Variants in CPT1B observed in about 807,000 individuals in gnomAD.
CPT1B encodes carnitine palmitoyltransferase 1B.
A neutral mutation model predicts 92.7 loss-of-function variants in CPT1B; 57 were observed. The observed-to-expected ratio is 0.62, with a 90% CI of 0.50 to 0.77. The LOEUF (loss-of-function observed/expected upper bound fraction) is 0.77. Among genes scored for constraint, CPT1B ranks in the 30% least tolerant of loss-of-function variants. The pLI, the probability that CPT1B is intolerant of heterozygous loss-of-function variation, is 0.00. For missense variants in CPT1B, 983 were observed against 1,017.4 expected, an observed-to-expected ratio of 0.97 and a Z score of 0.46; for synonymous variants, 398 against 383.5, an observed-to-expected ratio of 1.04 and a Z score of -0.44.
At chr22:50,574,647 C>A in intron 7 of CPT1B, 47 bp from the exon 8 acceptor site, 1 of 1,515,646 alleles carries the variant, frequency 6.6e-7, no homozygotes, top group South Asian at 1.1e-5. Flanking sequence ...GTCTGGGTGT[C>A]ACCTGAGTCT....
rs746417069 is a variant in CPT1B at position 50,573,677 on chromosome 22, C to T, written c.1009G>A (p.Val337Ile). The stretch of plus-strand genomic sequence containing the variant: ...TTGAAGAAGCGTCCCTTGTGGTAGA[C>T]AGCCACGTGCCGGCTGTCTGAGAGG... ...QHLSDSRHVAVYHKGRFFKLW... is the reference protein window; with the variant it reads ...QHLSDSRHVAIYHKGRFFKLW... The change falls in exon 10 of 20, where the codon GTC (valine) becomes ATC (isoleucine). Residue 337 changes from valine to isoleucine, a missense_variant. Coordinates refer to ENST00000312108, the MANE Select transcript of CPT1B (RefSeq NM_152246.3). This position sits in a 1 kb window ranked among gnomAD's most constrained non-coding sequence, Gnocchi z 5.0. 5.5e-5 allele frequency: 88 copies of T among 1,613,036 alleles called. No homozygotes were observed. Among genetic ancestry groups the T allele is most frequent in the Admixed American group, 8.3e-5 (5 of 60,002 alleles).
chr22:50,569,914 C>G (rs765701021), intron 17 of CPT1B, among the ~76,000 whole-genome samples: 2 of 152,190 alleles, frequency 1.3e-5, no homozygotes, highest in Admixed American at 6.5e-5. Context: ...CACTCCGTCT[C>G]TCTCCAGAGG....
At position 50,576,206 on chromosome 22, in the gene CPT1B, T is replaced by G; in HGVS notation, c.691A>C (p.Ser231Arg). 6.2e-7 allele frequency: 1 copy of G among 1,614,100 alleles called. No individual in the cohort carries two copies. Among genetic ancestry groups the G allele is most frequent in the Non-Finnish European group, 8.5e-7 (1 of 1,180,014 alleles). ...CAGGGGCAGGAACTTACATAGTTACTTGCCCACCATGACTTGAGCACCAGG... is the reference window on the plus strand; with the variant it reads ...CAGGGGCAGGAACTTACATAGTTACGTGCCCACCATGACTTGAGCACCAGG... ...KYLVLKSWWA[S>R]NYVSDWWEEY... The change falls in exon 6 of 20, where the codon AGT becomes CGT. Residue 231 changes from serine (S) to arginine (R), a missense_variant. Coordinates refer to ENST00000312108, the MANE Select transcript of CPT1B (RefSeq NM_152246.3).
intron 11 of CPT1B, 63 bp downstream of exon 11, chr22:50,572,812 C>T (rs5770911): frequency 0.061 from 93,734 of 1,532,640 alleles, 4,509 homozygotes; most frequent in East Asian, 0.24. Flanking sequence ...TATCTTTAAT[C>T]CTCTAACCAT....
At position 50,576,641 on chromosome 22, in the gene CPT1B, G is replaced by T. The variant is rs986161498; in HGVS notation, c.460-4C>A. 5.0e-6 allele frequency: 8 copies of T among 1,610,540 alleles called. No individual in the cohort carries two copies. Among genetic ancestry groups the T allele is most frequent in the Non-Finnish European group, 6.8e-6 (8 of 1,178,486 alleles). On this transcript the variant is annotated splice_region_variant and splice_polypyrimidine_tract_variant and intron_variant, in intron 4 of 19. Coordinates refer to ENST00000312108, the MANE Select transcript of CPT1B (RefSeq NM_152246.3). ...TGGATAGAAGGCGGATACACATCTG[G>T]GGGTACAGAGCAGAGTGCTGGGGTG... is the stretch of plus-strand genomic sequence containing the variant.
At chr22:50,569,466 C>T in intron 18 of CPT1B, 45 bp from the exon 19 acceptor site, 1 of 1,610,422 alleles carries the variant, frequency 6.2e-7, no homozygotes, top group Non-Finnish European at 8.5e-7. Flanking sequence ...TATGTACCCA[C>T]CCCTCTGTTC....
intron 11 of CPT1B, among the ~76,000 whole-genome samples, chr22:50,572,600 C>T (rs889574836): frequency 1.3e-5 from 2 of 152,012 alleles, no homozygotes; most frequent in African/African-American, 4.8e-5. Context: ...TATTCTATAA[C>T]CCAAACCCTA....
chr22:50,569,255 G>A, intron 19 of CPT1B, 81 bp downstream of exon 19: 1 of 1,413,884 alleles, frequency 7.1e-7, no homozygotes, highest in Non-Finnish European at 9.8e-7. Context: ...CCTGTGCACG[G>A]CCACCCCTCA....
intron 5 of CPT1B, 61 bp from the exon 6 acceptor site, chr22:50,576,396 C>T (rs1050235341): frequency 3.0e-5 from 49 of 1,610,014 alleles, no homozygotes; most frequent in Non-Finnish European, 4.2e-5. Flanking sequence ...TATCTTAATC[C>T]TCTTCCCACC....
intron 11 of CPT1B, 103 bp downstream of exon 11, chr22:50,572,772 C>A: frequency 7.7e-7 from 1 of 1,305,672 alleles, no homozygotes; most frequent in East Asian, 2.3e-5. Flanking sequence ...GTGTGTGCCA[C>A]TGCACCCAGC....
chr22:50,569,433 A>C lies in CPT1B; in HGVS notation c.2236-12T>G, dbSNP rs772884833. On this transcript the variant is annotated splice_polypyrimidine_tract_variant and intron_variant, in intron 18 of 19. Transcript: ENST00000312108. ...AAGCGCTGGGCGTTCTGTGGGAGCC[A>C]AGAGTTCAGATGCACCTTCAGATAT... is the stretch of plus-strand genomic sequence containing the variant. 10 of 1,614,006 alleles carry C rather than the reference A, an allele frequency of 6.2e-6. No homozygotes were observed. The highest frequency in any genetic ancestry group is 3.3e-5 in the Admixed American group (2 of 60,014).
At chr22:50,571,321 AGGT>A (rs1376642323) in intron 14 of CPT1B, 29 bp from the exon 15 acceptor site, 1 of 1,613,576 alleles carries the variant, frequency 6.2e-7, no homozygotes, top group East Asian at 2.2e-5. Context: ...TGAATCTGGC[AGGT>A]GGACCCTGGT....
Position 50,573,120 on chromosome 22 carries a change from G to T in CPT1B, c.1167-60C>A. The T allele has an allele frequency of 6.9e-7, 1 of 1,449,508 alleles. No individual in the cohort carries two copies. Among genetic ancestry groups the T allele is most frequent in the Admixed American group, 2.0e-5 (1 of 51,110 alleles). The allele number at this position is 1,449,508 out of a possible 1,614,324, so 89.8% of individuals were successfully genotyped here. A position where few individuals can be genotyped will look rare whatever the true frequency, so the allele number is the denominator to read the frequency against. Reference sequence around the variant, plus strand: ...GGACTTGGGATGAGGGTGCCTCTGAGGGCCTGGCTGGACCTGGAGATGGGG... The same window carrying T: ...GGACTTGGGATGAGGGTGCCTCTGATGGCCTGGCTGGACCTGGAGATGGGG... On this transcript the variant is annotated intron_variant, in intron 10 of 19. Coordinates refer to ENST00000312108, the MANE Select transcript of CPT1B (RefSeq NM_152246.3). This position sits in a 1 kb window ranked among gnomAD's most constrained non-coding sequence, Gnocchi z 5.0.
intron 2 of CPT1B, 100 bp from the exon 3 acceptor site, chr22:50,577,563 T>C (rs1603443565): frequency 6.6e-7 from 1 of 1,509,300 alleles, no homozygotes; most frequent in South Asian, 1.3e-5. Context: ...CTGGAAGGCT[T>C]TCTCTCCTGA....
At position 50,569,317 on chromosome 22, in the gene CPT1B, C is replaced by T; in HGVS notation, c.*2+19G>A. 4 of 1,612,538 alleles carry T rather than the reference C, an allele frequency of 2.5e-6. No homozygotes were observed. Among genetic ancestry groups the T allele is most frequent in the Non-Finnish European group, 2.5e-6 (3 of 1,178,904 alleles). On this transcript the variant is annotated intron_variant, in intron 19 of 19. Transcript: ENST00000312108. ...CCTCCACAGTGTGGGGACGAAAGGG[C>T]AGCTGGCATTTCTCCAACCTTCAGC...
At chr22:50,577,295 A>G (rs2070490352) in intron 3 of CPT1B, 29 bp downstream of exon 3, 1 of 1,612,138 alleles carries the variant, frequency 6.2e-7, no homozygotes, top group Admixed American at 1.7e-5. Flanking sequence ...CCCTGGTGGC[A>G]CCTGTGCCCT....
chr22:50,572,891 C>T lies in CPT1B; in HGVS notation c.1336G>A (p.Gly446Ser). 2 of 1,606,388 alleles carry T rather than the reference C, an allele frequency of 1.2e-6. No homozygotes were observed. Among genetic ancestry groups the T allele is most frequent in the Non-Finnish European group, 1.7e-6 (2 of 1,173,742 alleles). The change falls in exon 11 of 20, where the codon GGC becomes AGC. Residue 446 changes from glycine to serine, a missense_variant. Coordinates refer to ENST00000312108, the MANE Select transcript of CPT1B (RefSeq NM_152246.3). ...CTGCCGTACCTGTTGTAGCAGTTGC[C>T]ATGTAGCAGGGCCTTGCCATAGAGG... ...LSLYGKALLH[G>S]NCYNRWFDKS...
chr22:50,576,362 G>C, intron 5 of CPT1B, 27 bp from the exon 6 acceptor site: 1 of 1,613,696 alleles, frequency 6.2e-7, no homozygotes, highest in Non-Finnish European at 8.5e-7. Context: ...CATCACCGTG[G>C]GGCCAGATGG....
At position 50,577,013 on chromosome 22, in the gene CPT1B, C is replaced by T. The variant is rs142502983; in HGVS notation, c.303G>A (p.Pro101=). The change falls in exon 4 of 20, where the codon CCG becomes CCA. Residue 101 remains proline (P), a synonymous_variant. Coordinates refer to ENST00000312108, the MANE Select transcript of CPT1B (RefSeq NM_152246.3). The part of the protein sequence containing the change: ...LPQGCGPYQT[P]QTRALLSMAI... The stretch of plus-strand genomic sequence containing the variant: ...CCATGCTGAGAAGTGCCCGGGTCTG[C>T]GGGGTCTGGTAGGGGCCACACCTAT... The T allele has an allele frequency of 4.5e-5, 73 of 1,613,984 alleles. 1 individual carries two copies. The highest frequency in any genetic ancestry group is 3.1e-4 in the South Asian group (28 of 91,084).
Sources: allele counts gnomAD v4.1 joint callset (sites outside exome capture counted in the v4.1 genomes callset), GRCh38; gene constraint gnomAD v4.1.1; non-coding constraint Gnocchi (gnomAD v3.1); transcripts MANE v1.5; gene names NCBI Gene and HGNC (gene_info 2026-07-23, HGNC 2026-07-21).